The following PCDH11X variants were observed in gnomAD, a reference collection of about 807,000 sequenced individuals.
The protein encoded by PCDH11X is protocadherin-11 X-linked.
A neutral mutation model predicts 53.3 loss-of-function variants in PCDH11X; 18 were observed. The observed-to-expected ratio is 0.34, with a 90% CI of 0.23 to 0.50. The LOEUF (loss-of-function observed/expected upper bound fraction) is 0.50, where lower values mean the gene tolerates loss of function less well. Ranked by LOEUF, PCDH11X falls within the 20% of genes least tolerant of loss-of-function variation. The pLI, the probability that PCDH11X is intolerant of heterozygous loss-of-function variation, is 0.98. For synonymous variants in PCDH11X, 279 were observed against 393.3 expected (o/e 0.71, Z 3.44); for missense variants, 570 against 1,032.4 (o/e 0.55, Z 6.14).
intron 10 of PCDH11X, among the ~76,000 whole-genome samples, chrX:92,540,831 T>C (rs2074744169): frequency 9.3e-6 from 1 of 108,041 alleles, no homozygotes; most frequent in African/African-American, 3.4e-5. Flanking sequence ...TAGCCCAGGT[T>C]GATTCTAGAT....
At chrX:92,610,241 C>T (rs1927231051) in intron 10 of PCDH11X, among the ~76,000 whole-genome samples, 1 of 111,746 alleles carries the variant, frequency 8.9e-6, no homozygotes, top group Non-Finnish European at 1.9e-5. Context: ...TCTTTTCTCC[C>T]CAACTTTGTC....
chrX:91,827,570 A>G (rs971903037), intron 4 of PCDH11X, among the ~76,000 whole-genome samples: 1 of 107,475 alleles, frequency 9.3e-6, no homozygotes, highest in African/African-American at 3.4e-5. Flanking sequence ...TTGTCTTCCA[A>G]GGTTTTATAG....
intron 6 of PCDH11X, among the ~76,000 whole-genome samples, chrX:92,098,662 T>TTTTTTA (rs2064184710): frequency 2.4e-5 from 2 of 84,976 alleles, no homozygotes; most frequent in African/African-American, 9.7e-5. Context: ...TTTTTTTTTT[T>TTTTTTA]GAGACAGAGT....
chrX:92,108,516 A>T (rs867849716), intron 6 of PCDH11X, among the ~76,000 whole-genome samples: 5 of 96,032 alleles, frequency 5.2e-5, no homozygotes, highest in African/African-American at 2.1e-4. Context: ...CAATATGATT[A>T]AAAAAAAAAG....
chrX:92,310,302 T>C (rs1387142062), intron 8 of PCDH11X, among the ~76,000 whole-genome samples: 1 of 112,783 alleles, frequency 8.9e-6, no homozygotes, highest in Non-Finnish European at 1.9e-5. Flanking sequence ...TTTGTCAACA[T>C]CACCGCATTC....
chrX:91,858,082 G>A (rs1475416870), intron 5 of PCDH11X, among the ~76,000 whole-genome samples: 3 of 110,003 alleles, frequency 2.7e-5, no homozygotes, highest in Non-Finnish European at 5.7e-5. Context: ...TCTTGGTGGA[G>A]GTTCCCAAAC....
rs2061611795 is a variant in PCDH11X, at chrX:91,949,328, A to T, written c.3033+70055A>T. ...TTAAACAGACAAAAAATTACCAAGC[A>T]TTTTTTGAGGAGGCAGATATAGAGG... On this transcript the variant is annotated intron_variant, in intron 6 of 10. Transcript: ENST00000682573. Among the ~76,000 whole-genome samples the T allele has an allele frequency of 2.8e-5, 3 of 108,471 alleles. No homozygotes were observed. In the South Asian group the frequency reaches 1.2e-3, roughly 43 times the overall value. The allele number at this position is 108,471 out of a possible 115,157, so 94.2% of individuals were successfully genotyped here.
chrX:92,305,882 T>C (rs1336542618), intron 8 of PCDH11X, among the ~76,000 whole-genome samples: 1 of 106,902 alleles, frequency 9.4e-6, no homozygotes, highest in Non-Finnish European at 1.9e-5. Flanking sequence ...AACATCTTTT[T>C]TCTCTGAAAA....
At chrX:91,856,649 T>G (rs1231384399) in intron 5 of PCDH11X, among the ~76,000 whole-genome samples, 1 of 110,359 alleles carries the variant, frequency 9.1e-6, no homozygotes, top group African/African-American at 3.3e-5. Flanking sequence ...CCCCTCCCTG[T>G]GTCCATGCGT....
intron 6 of PCDH11X, among the ~76,000 whole-genome samples, chrX:92,147,986 T>C (rs1483764805): frequency 2.4e-5 from 2 of 84,749 alleles, no homozygotes; most frequent in Non-Finnish European, 4.3e-5. Flanking sequence ...CCTTCCTTCC[T>C]TTCTTTCTTT....
At chrX:91,968,206 A>G (rs182551891) in intron 6 of PCDH11X, among the ~76,000 whole-genome samples, 4 of 111,784 alleles carry the variant, frequency 3.6e-5, no homozygotes, top group Non-Finnish European at 5.6e-5. Flanking sequence ...TTTTCTGCAG[A>G]GTGGATTTAG....
chrX:91,835,519 C>T lies in PCDH11X; in HGVS notation c.15C>T (p.Ser5=), dbSNP rs746446786. The change falls in exon 5 of 11, where the codon TCC becomes TCT. Residue 5 remains serine (S), a synonymous_variant. Transcript: ENST00000682573. ...GTGTACCTGGTATGGACTTGTTGTC[C>T]GGGACGTACATTTTCGCGGTCCTGC... MDLL[S]GTYIFAVLLA... is the part of the protein sequence containing the mutation. The T allele has an allele frequency of 3.1e-5, 38 of 1,208,799 alleles. No individual in the cohort carries two copies. Among genetic ancestry groups the T allele is most frequent in the Non-Finnish European group, 2.8e-5 (25 of 895,065 alleles).
chrX:92,478,018 A>G (rs920827049), intron 10 of PCDH11X, among the ~76,000 whole-genome samples: 4 of 109,466 alleles, frequency 3.7e-5, no homozygotes, highest in African/African-American at 1.0e-4. Context: ...GGATCATAGG[A>G]GCAGTTTCCC....
chrX:92,220,509 A>T (rs2066845032), intron 7 of PCDH11X, among the ~76,000 whole-genome samples: 1 of 109,796 alleles, frequency 9.1e-6, no homozygotes. Context: ...ATACCACCTC[A>T]CACCAGTTAG....
At chrX:91,994,461 T>A (rs1296476075) in intron 6 of PCDH11X, among the ~76,000 whole-genome samples, 1 of 106,680 alleles carries the variant, frequency 9.4e-6, no homozygotes, top group Non-Finnish European at 1.9e-5. Flanking sequence ...TTCATCAATG[T>A]TGTCACAAAT....
chrX:91,819,778 G>T (rs1332865693), intron 4 of PCDH11X, among the ~76,000 whole-genome samples: 1 of 98,788 alleles, frequency 1.0e-5, no homozygotes, highest in Non-Finnish European at 2.0e-5. Flanking sequence ...CCACTAACTC[G>T]TCATCTAGCA....
At chrX:92,383,374 G>A (rs777008488) in intron 8 of PCDH11X, among the ~76,000 whole-genome samples, 1 of 105,580 alleles carries the variant, frequency 9.5e-6, no homozygotes, top group Non-Finnish European at 1.9e-5. Context: ...TGTGCAGAAC[G>A]TGCAGGTGTT....
intron 6 of PCDH11X, among the ~76,000 whole-genome samples, chrX:92,105,581 T>A (rs1339985419): frequency 9.5e-6 from 1 of 105,198 alleles, no homozygotes; most frequent in South Asian, 4.4e-4. Context: ...AAGATTTGGG[T>A]AGGTAAAGGA....
chrX:92,045,834 G>A (rs2063278338), intron 6 of PCDH11X, among the ~76,000 whole-genome samples: 1 of 108,982 alleles, frequency 9.2e-6, no homozygotes, highest in Admixed American at 1.0e-4. Flanking sequence ...CAGCTACTGG[G>A]GGGCTGAGGC....
Sources: gnomAD v4.1 joint callset for allele counts (sites outside exome capture counted in the v4.1 genomes callset) on GRCh38, gnomAD v4.1.1 for gene constraint, MANE v1.5 for transcripts, NCBI Gene and HGNC (gene_info 2026-07-23, HGNC 2026-07-21) for gene names.